MACROD2: variants seen among roughly 807,000 people sequenced by gnomAD.
MACROD2 encodes ADP-ribose glycohydrolase MACROD2.
In MACROD2, 36 loss-of-function variants were observed where a neutral mutation model predicts 70.4. That is an observed-to-expected ratio of 0.51 (90% confidence interval 0.39 to 0.68). MACROD2 has a LOEUF of 0.68. MACROD2 is among the 30% of genes least tolerant of loss of function. The probability of loss-of-function intolerance (pLI) is 0.00; values close to 1 mark genes in which losing one functional copy is unlikely to be tolerated. For synonymous variants in MACROD2, 172 were observed against 178.8 expected (o/e 0.96, Z 0.30); for missense variants, 496 against 538.4 (o/e 0.92, Z 0.78).
chr20:14,678,761 G>T (rs1174473479), intron 4 of MACROD2, among the ~76,000 whole-genome samples: 1 of 152,088 alleles, frequency 6.6e-6, no homozygotes, highest in Non-Finnish European at 1.5e-5. Flanking sequence ...CAAAAGGCAA[G>T]GTTTTCTGCA....
intron 8 of MACROD2, among the ~76,000 whole-genome samples, chr20:15,759,638 A>G (rs185121205): frequency 1.3e-5 from 2 of 152,268 alleles, no homozygotes; most frequent in African/African-American, 2.4e-5. Context: ...ATTGCACTCT[A>G]CCGGGAGTTT....
intron 8 of MACROD2, among the ~76,000 whole-genome samples, chr20:15,638,253 G>T (rs1214731054): frequency 6.6e-6 from 1 of 152,132 alleles, no homozygotes; most frequent in Non-Finnish European, 1.5e-5. Flanking sequence ...CCTCTCACCA[G>T]ACCCCTGTGC....
intron 3 of MACROD2, among the ~76,000 whole-genome samples, chr20:14,184,299 T>C (rs2081327468): frequency 6.6e-6 from 1 of 152,138 alleles, no homozygotes; most frequent in African/African-American, 2.4e-5. Flanking sequence ...TCTTTCCCCA[T>C]TGCTTGTTTT....
intron 5 of MACROD2, among the ~76,000 whole-genome samples, chr20:14,964,589 T>TAA (rs370363407): frequency 5.4e-5 from 8 of 147,138 alleles, no homozygotes; most frequent in African/African-American, 2.0e-4. Flanking sequence ...ATAAAAAAAA[T>TAA]AAAAAAAAAA....
chr20:15,948,509 A>C (rs192964760), intron 12 of MACROD2, among the ~76,000 whole-genome samples: 1 of 151,994 alleles, frequency 6.6e-6, no homozygotes, highest in Non-Finnish European at 1.5e-5. Flanking sequence ...TTCCTAATAA[A>C]AGAAATTCCC....
At chr20:15,776,275 C>CT (rs2051720319) in intron 8 of MACROD2, among the ~76,000 whole-genome samples, 1 of 152,132 alleles carries the variant, frequency 6.6e-6, no homozygotes, top group African/African-American at 2.4e-5. Context: ...GTATCTGACT[C>CT]TTGACACTTC....
intron 8 of MACROD2, among the ~76,000 whole-genome samples, chr20:15,689,181 G>A (rs2050266566): frequency 6.6e-6 from 1 of 152,134 alleles, no homozygotes; most frequent in African/African-American, 2.4e-5. Context: ...GTGGGCACCT[G>A]TAGTCCCAGC....
intron 8 of MACROD2, among the ~76,000 whole-genome samples, chr20:15,527,608 A>C (rs1421734737): frequency 1.3e-5 from 2 of 152,200 alleles, no homozygotes; most frequent in Non-Finnish European, 1.5e-5. Context: ...GCAAATCCTC[A>C]GAGACTGCCC....
At chr20:14,051,899 C>G (rs778468041) in intron 2 of MACROD2, 1 of 517,078 alleles carries the variant, frequency 1.9e-6, no homozygotes, top group Non-Finnish European at 3.9e-6. Flanking sequence ...CTATAAACTT[C>G]TGAACCCTCC....
At chr20:14,038,290 C>T (rs1236472858) in intron 2 of MACROD2, among the ~76,000 whole-genome samples, 3 of 131,328 alleles carry the variant, frequency 2.3e-5, no homozygotes, top group Admixed American at 7.4e-5. Context: ...TGAGAGACTC[C>T]GTCTCAAAAA....
At chr20:16,016,639 G>A (rs554226072) in intron 15 of MACROD2, among the ~76,000 whole-genome samples, 4 of 152,282 alleles carry the variant, frequency 2.6e-5, no homozygotes, top group East Asian at 1.9e-4. Context: ...GGGTTCAAGC[G>A]ATGCTCCTGC....
intron 6 of MACROD2, among the ~76,000 whole-genome samples, chr20:15,362,848 GA>G (rs1391521454): frequency 2.7e-5 from 4 of 149,326 alleles, no homozygotes; most frequent in Non-Finnish European, 5.9e-5. Context: ...GAATATATAG[GA>G]AAAAAATTTA....
chr20:14,512,918 T>C (rs1005232127), intron 4 of MACROD2, among the ~76,000 whole-genome samples: 4 of 152,064 alleles, frequency 2.6e-5, no homozygotes, highest in African/African-American at 9.7e-5. Context: ...CATGTGCAAA[T>C]AACAACAGAT....
intron 3 of MACROD2, among the ~76,000 whole-genome samples, chr20:14,416,106 A>G (rs908764508): frequency 2.0e-5 from 3 of 151,654 alleles, no homozygotes; most frequent in Non-Finnish European, 4.4e-5. Context: ...TTACAGGCAC[A>G]CACCACCACG....
At chr20:14,155,370 T>C (rs942297100) in intron 3 of MACROD2, among the ~76,000 whole-genome samples, 2 of 152,232 alleles carry the variant, frequency 1.3e-5, no homozygotes, top group African/African-American at 4.8e-5. Flanking sequence ...TATCTTTTCA[T>C]GTATATTTTA....
At chr20:14,436,746 A>G (rs750035206) in intron 3 of MACROD2, among the ~76,000 whole-genome samples, 4 of 152,212 alleles carry the variant, frequency 2.6e-5, no homozygotes, top group Admixed American at 1.3e-4. Flanking sequence ...CCAACTGTCT[A>G]GTATTGGGTT....
At chr20:14,062,895 T>G (rs985042861) in intron 2 of MACROD2, among the ~76,000 whole-genome samples, 14 of 152,200 alleles carry the variant, frequency 9.2e-5, no homozygotes, top group Non-Finnish European at 1.9e-4. Context: ...TTTTCAGGGC[T>G]TATTCTTCCT....
chr20:14,529,510 T>C (rs550851056), intron 4 of MACROD2, among the ~76,000 whole-genome samples: 17 of 152,302 alleles, frequency 1.1e-4, no homozygotes, highest in African/African-American at 3.8e-4. Flanking sequence ...TCATGTCCTT[T>C]TTAAAGCATA....
rs375766434 is a variant in MACROD2, at chr20:13,995,716, G to T, written c.-48G>T. ...CACTCCACACACACCCTGTTTGCCC[G>T]TGAGCCTGGGGAACTTGCAGCTTAA... On this transcript the variant is annotated 5_prime_UTR_variant, in exon 1 of 18. Coordinates refer to ENST00000684519, the MANE Select transcript of MACROD2 (RefSeq NM_001351661.2). This position sits in a 1 kb window ranked among gnomAD's most constrained non-coding sequence, Gnocchi z 4.3. 5.1e-6 allele frequency: 5 copies of T among 979,026 alleles called. No homozygotes were observed. In the African/African-American group the frequency reaches 6.8e-5, roughly 13 times the overall value. The allele number at this position is 979,026 out of a possible 1,614,324, so 60.6% of individuals were successfully genotyped here.
Sources: allele counts gnomAD v4.1 joint callset (sites outside exome capture counted in the v4.1 genomes callset), GRCh38; gene constraint gnomAD v4.1.1; non-coding constraint Gnocchi (gnomAD v3.1); transcripts MANE v1.5; gene names NCBI Gene and HGNC (gene_info 2026-07-23, HGNC 2026-07-21).